The following SPN variants were observed in gnomAD, a reference collection of about 807,000 sequenced individuals.
SPN encodes leukosialin.
A neutral mutation model predicts 8.4 loss-of-function variants in SPN; 6 were observed. That is an observed-to-expected ratio of 0.72 (90% confidence interval 0.39 to 1.42). The LOEUF (loss-of-function observed/expected upper bound fraction) is 1.42. Ranked by LOEUF, SPN falls within the 40% of genes most tolerant of loss-of-function variation. The probability of loss-of-function intolerance (pLI) is 0.02; values close to 1 mark genes in which losing one functional copy is unlikely to be tolerated. For missense variants in SPN, 517 were observed against 530.6 expected, an observed-to-expected ratio of 0.97 and a Z score of 0.25; for synonymous variants, 201 against 222.6, an observed-to-expected ratio of 0.90 and a Z score of 0.86.
chr16:29,667,781 AAAAATAAAT>A lies in SPN; in HGVS notation c.*2864_*2872del, dbSNP rs1966834398. On this transcript the variant is annotated 3_prime_UTR_variant, in exon 2 of 2. Coordinates refer to ENST00000652691, the MANE Select transcript of SPN (RefSeq NM_003123.6). ...ACAAAGTGAGACTGTCTCAAAAAAT[AAAAATAAAT>A]AAAATAAATAAAAGAGAGGCACAAA... The A allele has an allele frequency of 1.3e-5, 2 of 155,242 alleles. No individual in the cohort carries two copies. Among genetic ancestry groups the A allele is most frequent in the Admixed American group, 6.5e-5 (1 of 15,268 alleles). 9.6% of individuals were successfully genotyped at this position (155,242 alleles called of 1,614,324 possible). A position where few individuals can be genotyped will look rare whatever the true frequency, so the allele number is the denominator to read the frequency against.
rs1417039464 is a variant in SPN at position 29,670,114 on chromosome 16, C to T, written c.*5183C>T. 1.9e-5 allele frequency: 3 copies of T among 162,104 alleles called. No homozygotes were observed. Among genetic ancestry groups the T allele is most frequent in the Admixed American group, 6.6e-5 (1 of 15,190 alleles). 10.0% of individuals were successfully genotyped at this position (162,104 alleles called of 1,614,324 possible). ...CAAGAGGCGAAGGCAGGGAAGATTG[C>T]TTGAGCCCAGGAGTTTGAGGCTATA... On this transcript the variant is annotated 3_prime_UTR_variant, in exon 2 of 2. Transcript: ENST00000652691.
Position 29,668,697 on chromosome 16 carries a change from C to G in SPN, c.*3766C>G, listed in dbSNP as rs554994798. The G allele has an allele frequency of 8.0e-6, 1 of 124,374 alleles. No homozygotes were observed. The highest frequency in any genetic ancestry group is 2.0e-5 in the Non-Finnish European group (1 of 50,672). The allele number at this position is 124,374 out of a possible 1,614,324, so 7.7% of individuals were successfully genotyped here. ...TCCTGGGCTCAAGTGGTCCTCCCAC[C>G]TAAGCTTCCCCAAATACTGGGATTA... On this transcript the variant is annotated 3_prime_UTR_variant, in exon 2 of 2. Coordinates refer to ENST00000652691, the MANE Select transcript of SPN (RefSeq NM_003123.6).
In SPN at chr16:29,667,246, T is replaced by C. The variant is rs3851019; in HGVS notation, c.*2315T>C. The C allele has an allele frequency of 5.1e-3, 1,735 of 342,824 alleles. 42 individuals carry two copies. Among genetic ancestry groups the C allele is most frequent in the African/African-American group, 0.035 (1,620 of 46,512 alleles). The allele number at this position is 342,824 out of a possible 1,614,324, so 21.2% of individuals were successfully genotyped here. A position where few individuals can be genotyped will look rare whatever the true frequency, so the allele number is the denominator to read the frequency against. ...TGTCCAAAATCCCTTAGAGACACTG[T>C]TGTCTTAGAGTTGTTAAAATAAGAG... On this transcript the variant is annotated 3_prime_UTR_variant, in exon 2 of 2. Coordinates refer to ENST00000652691, the MANE Select transcript of SPN (RefSeq NM_003123.6).
In SPN at chr16:29,670,413, C is replaced by T. The variant is rs62059024; in HGVS notation, c.*5482C>T. On this transcript the variant is annotated 3_prime_UTR_variant, in exon 2 of 2. Coordinates refer to ENST00000652691, the MANE Select transcript of SPN (RefSeq NM_003123.6). The stretch of plus-strand genomic sequence containing the variant: ...CTGAGGCAGAAGAATTGCTTGAAAC[C>T]GGGAGGCAGAGGTTGCAGTGAGCCG... The T allele has an allele frequency of 0.34, 54,017 of 158,506 alleles. 10,007 individuals carry two copies. Among genetic ancestry groups the T allele is most frequent in the Middle Eastern group, 0.48 (144 of 298 alleles). 9.8% of individuals were successfully genotyped at this position (158,506 alleles called of 1,614,324 possible).
In SPN at chr16:29,664,205, G is replaced by A. The variant is rs1440288497; in HGVS notation, c.477G>A (p.Glu159=). The change falls in exon 2 of 2, where the codon GAG becomes GAA. Residue 159 remains glutamate (E), a synonymous_variant. Transcript: ENST00000652691. This position sits in a 1 kb window ranked among gnomAD's most constrained non-coding sequence, Gnocchi z 6.4. ...TTACCACGGCAGCTAGCTCTCTGGA[G>A]ACCTCCAGAGGCACCTCTGGACCCC... ...APVTTAASSL[E]TSRGTSGPPL... 1.2e-6 allele frequency: 2 copies of A among 1,613,734 alleles called. No individual in the cohort carries two copies. Among genetic ancestry groups the A allele is most frequent in the African/African-American group, 1.3e-5 (1 of 74,808 alleles).
rs546998389 is a variant in SPN, at chr16:29,667,396, C to T, written c.*2465C>T. On this transcript the variant is annotated 3_prime_UTR_variant, in exon 2 of 2. Transcript: ENST00000652691. The stretch of plus-strand genomic sequence containing the variant: ...GGACTGGTTTTAGTCAGGTCCTGGG[C>T]GAATCCTGAAAAAAAGAGGTAGTAC... The T allele has an allele frequency of 1.7e-3, 325 of 191,136 alleles. 2 individuals are homozygous for T. The highest frequency in any genetic ancestry group is 6.7e-3 in the African/African-American group (285 of 42,756). The allele number at this position is 191,136 out of a possible 1,614,324, so 11.8% of individuals were successfully genotyped here. A position where few individuals can be genotyped will look rare whatever the true frequency, so the allele number is the denominator to read the frequency against.
In SPN at chr16:29,670,624, G is replaced by GA. The variant is rs1966848034; in HGVS notation, c.*5697dup. The GA allele has an allele frequency of 2.8e-6, 1 of 352,002 alleles. No homozygotes were observed. Among genetic ancestry groups the GA allele is most frequent in the Non-Finnish European group, 5.7e-6 (1 of 175,364 alleles). 21.8% of individuals were successfully genotyped at this position (352,002 alleles called of 1,614,324 possible). ...TTTTGAAAATTATGTAATGACTTTG[G>GA]AAAATACCAGCAATATAATGTTAAG... On this transcript the variant is annotated 3_prime_UTR_variant, in exon 2 of 2. Transcript: ENST00000652691.
rs747552080 is a variant in SPN, at chr16:29,663,799, T to C, written c.71T>C (p.Val24Ala). 1.6e-5 allele frequency: 26 copies of C among 1,613,678 alleles called. No individual in the cohort carries two copies. Among genetic ancestry groups the C allele is most frequent in the Non-Finnish European group, 8.5e-7 (1 of 1,179,930 alleles). The change falls in exon 2 of 2, where the codon GTG becomes GCG. Residue 24 changes from valine (V) to alanine (A), a missense_variant. Transcript: ENST00000652691. This position sits in a 1 kb window ranked among gnomAD's most constrained non-coding sequence, Gnocchi z 4.3. ...SPDALGSTTA[V>A]QTPTSGEPLV... ...GACGCTCTGGGGAGCACAACAGCAG[T>C]GCAGACACCCACCTCCGGAGAGCCT...
Position 29,664,571 on chromosome 16 carries a change from G to A in SPN, c.843G>A (p.Gln281=). 1 of 1,612,832 alleles carries A rather than the reference G, an allele frequency of 6.2e-7. No homozygotes were observed. The highest frequency in any genetic ancestry group is 1.1e-5 in the South Asian group (1 of 90,972). ...TGCTCCTGCTGTGGCGCCGGCGGCA[G>A]AAGCGGCGGACTGGGGCCCTCGTGC... ...VALLLLWRRR[Q]KRRTGALVLS... The change falls in exon 2 of 2, where the codon CAG becomes CAA. Residue 281 remains glutamine, a synonymous_variant. Coordinates refer to ENST00000652691, the MANE Select transcript of SPN (RefSeq NM_003123.6). This position sits in a 1 kb window ranked among gnomAD's most constrained non-coding sequence, Gnocchi z 6.4.
At position 29,664,905 on chromosome 16, in the gene SPN, G is replaced by A. The variant is rs373798010; in HGVS notation, c.1177G>A (p.Glu393Lys). The change falls in exon 2 of 2, where the codon GAA becomes AAA. Residue 393 changes from glutamate to lysine, a missense_variant. Physicochemically the swap from Glu to Lys is moderately conservative, Grantham distance 56. Transcript: ENST00000652691. This position sits in a 1 kb window ranked among gnomAD's most constrained non-coding sequence, Gnocchi z 6.4. ...AVDAPAPDEP[E>K]GGDGAAP ...GGACGCCCCAGCTCCTGATGAGCCC[G>A]AAGGGGGAGACGGGGCTGCCCCTTA... is the stretch of plus-strand genomic sequence containing the variant. 31 of 1,430,938 alleles carry A rather than the reference G, an allele frequency of 2.2e-5. No individual in the cohort carries two copies. The highest frequency in any genetic ancestry group is 1.9e-4 in the Middle Eastern group (1 of 5,198). The allele number at this position is 1,430,938 out of a possible 1,614,324, so 88.6% of individuals were successfully genotyped here. A position where few individuals can be genotyped will look rare whatever the true frequency, so the allele number is the denominator to read the frequency against.
rs1230243743 is a variant in SPN at position 29,663,490 on chromosome 16, G to A, written c.-35+174G>A. Reference sequence around the variant, plus strand: ...TGCTGGAATCTAAGCTGCTGAGGCTGGAGGGAGCCTCAGGATGGGGCTGAT... The same window carrying A: ...TGCTGGAATCTAAGCTGCTGAGGCTAGAGGGAGCCTCAGGATGGGGCTGAT... On this transcript the variant is annotated intron_variant, in intron 1 of 1. Coordinates refer to ENST00000652691, the MANE Select transcript of SPN (RefSeq NM_003123.6). The surrounding 1 kb of genome is among the most constrained non-coding windows in gnomAD (Gnocchi z 4.3). Among the ~76,000 whole-genome samples the A allele has an allele frequency of 5.3e-5, 8 of 152,228 alleles. No individual in the cohort carries two copies. The highest frequency in any genetic ancestry group is 1.3e-4 in the Admixed American group (2 of 15,272).
rs1555490176 is a variant in SPN, at chr16:29,666,552, ACGCG to A, written c.*1635_*1638del. On this transcript the variant is annotated 3_prime_UTR_variant, in exon 2 of 2. Transcript: ENST00000652691. ...CACACACACACACACACACACACACACGCGCGCGCGCGCGCGCTCTCCTGCGAAC... is the reference window on the plus strand; with the variant it reads ...CACACACACACACACACACACACACACGCGCGCGCGCGCTCTCCTGCGAAC... The A allele has an allele frequency of 1.1e-3, 170 of 148,930 alleles. 2 individuals carry two copies. The highest frequency in any genetic ancestry group is 3.6e-3 in the African/African-American group (120 of 33,518). 9.2% of individuals were successfully genotyped at this position (148,930 alleles called of 1,614,324 possible). A position where few individuals can be genotyped will look rare whatever the true frequency, so the allele number is the denominator to read the frequency against.
chr16:29,665,484 G>T lies in SPN; in HGVS notation c.*553G>T, dbSNP rs1181756076. 1 of 167,264 alleles carries T rather than the reference G, an allele frequency of 6.0e-6. No homozygotes were observed. The highest frequency in any genetic ancestry group is 2.4e-5 in the African/African-American group (1 of 41,422). 10.4% of individuals were successfully genotyped at this position (167,264 alleles called of 1,614,324 possible). On this transcript the variant is annotated 3_prime_UTR_variant, in exon 2 of 2. Transcript: ENST00000652691. ...GGGCTGGCACCTCTCAACGTCTGTG[G>T]ACTGAATGAATAAACCCTCCTCATC...
Position 29,664,732 on chromosome 16 carries a change from G to A in SPN, c.1004G>A (p.Gly335Glu). The stretch of plus-strand genomic sequence containing the variant: ...GGCTCTGGGTTCCCCGATGGGGAGG[G>A]GTCTAGCCGTCGGCCCACGCTCACC... ...DKGSGFPDGEGSSRRPTLTTF... is the reference protein window; with the variant it reads ...DKGSGFPDGEESSRRPTLTTF... Residue 335 changes from glycine (G) to glutamate (E), a missense_variant, in exon 2 of 2, where the codon GGG (glycine) becomes GAG (glutamate). Transcript: ENST00000652691. This position sits in a 1 kb window ranked among gnomAD's most constrained non-coding sequence, Gnocchi z 6.4. The A allele has an allele frequency of 1.4e-6, 2 of 1,480,590 alleles. No individual in the cohort carries two copies. Among genetic ancestry groups the A allele is most frequent in the Non-Finnish European group, 1.8e-6 (2 of 1,116,710 alleles). 91.7% of individuals were successfully genotyped at this position (1,480,590 alleles called of 1,614,324 possible). A position where few individuals can be genotyped will look rare whatever the true frequency, so the allele number is the denominator to read the frequency against.
At position 29,664,756 on chromosome 16, in the gene SPN, C is replaced by T; in HGVS notation, c.1028C>T (p.Thr343Ile). The T allele has an allele frequency of 6.7e-7, 1 of 1,492,282 alleles. No individual in the cohort carries two copies. The highest frequency in any genetic ancestry group is 8.9e-7 in the Non-Finnish European group (1 of 1,122,822). 92.4% of individuals were successfully genotyped at this position (1,492,282 alleles called of 1,614,324 possible). ...GGGTCTAGCCGTCGGCCCACGCTCA[C>T]CACTTTCTTTGGCAGACGGAAGTCT... ...GEGSSRRPTL[T>I]TFFGRRKSRQ... Residue 343 changes from threonine to isoleucine, a missense_variant, in exon 2 of 2, where the codon ACC becomes ATC. Coordinates refer to ENST00000652691, the MANE Select transcript of SPN (RefSeq NM_003123.6). This position sits in a 1 kb window ranked among gnomAD's most constrained non-coding sequence, Gnocchi z 6.4.
Position 29,669,512 on chromosome 16 carries a change from T to C in SPN, c.*4581T>C, listed in dbSNP as rs908000872. ...CACCGTGCCCGACAATAGATGTCTT[T>C]TAATTTTCTGGAGGAAAAAGCAAAG... On this transcript the variant is annotated 3_prime_UTR_variant, in exon 2 of 2. Transcript: ENST00000652691. 6.0e-6 allele frequency: 1 copy of C among 165,912 alleles called. No individual in the cohort carries two copies. Among genetic ancestry groups the C allele is most frequent in the Admixed American group, 6.6e-5 (1 of 15,188 alleles). The allele number at this position is 165,912 out of a possible 1,614,324, so 10.3% of individuals were successfully genotyped here.
Position 29,668,128 on chromosome 16 carries a change from G to C in SPN, c.*3197G>C, listed in dbSNP as rs2142284759. 1 of 167,214 alleles carries C rather than the reference G, an allele frequency of 6.0e-6. No homozygotes were observed. Among genetic ancestry groups the C allele is most frequent in the Admixed American group, 6.5e-5 (1 of 15,302 alleles). The allele number at this position is 167,214 out of a possible 1,614,324, so 10.4% of individuals were successfully genotyped here. On this transcript the variant is annotated 3_prime_UTR_variant, in exon 2 of 2. Coordinates refer to ENST00000652691, the MANE Select transcript of SPN (RefSeq NM_003123.6). ...AGGTTGGAAGGCTTCACCTGAGAGT[G>C]TGTCGTGGCCTTTGTCATATCCACT...
At position 29,670,779 on chromosome 16, in the gene SPN, A is replaced by G; in HGVS notation, c.*5848A>G. The G allele has an allele frequency of 2.2e-6, 1 of 456,016 alleles. No individual in the cohort carries two copies. The highest frequency in any genetic ancestry group is 4.4e-6 in the Non-Finnish European group (1 of 226,788). 28.2% of individuals were successfully genotyped at this position (456,016 alleles called of 1,614,324 possible). On this transcript the variant is annotated 3_prime_UTR_variant, in exon 2 of 2. Coordinates refer to ENST00000652691, the MANE Select transcript of SPN (RefSeq NM_003123.6). Reference sequence around the variant, plus strand: ...AAATGTTTTCCATGCTGATCTCCAAAGTGGTGAGTTTATGTGTGATTTTTA... The same window carrying G: ...AAATGTTTTCCATGCTGATCTCCAAGGTGGTGAGTTTATGTGTGATTTTTA...
Position 29,664,412 on chromosome 16 carries a change from A to G in SPN, c.684A>G (p.Leu228=). 3 of 1,614,076 alleles carry G rather than the reference A, an allele frequency of 1.9e-6. No homozygotes were observed. The highest frequency in any genetic ancestry group is 2.5e-6 in the Non-Finnish European group (3 of 1,180,002). ...ASGPQVSSVK[L]STMMSPTTST... is the part of the protein sequence containing the mutation. ...GACCCCAGGTCTCTAGCGTAAAACT[A>G]TCTACAATGATGTCTCCAACGACCT... Residue 228 remains leucine (L), a synonymous_variant, in exon 2 of 2, where the codon CTA becomes CTG. Transcript: ENST00000652691. The surrounding 1 kb of genome is among the most constrained non-coding windows in gnomAD (Gnocchi z 6.4).
Sources: gnomAD v4.1 joint callset for allele counts (sites outside exome capture counted in the v4.1 genomes callset) on GRCh38, gnomAD v4.1.1 for gene constraint, Gnocchi (gnomAD v3.1) non-coding constraint, MANE v1.5 for transcripts, NCBI Gene and HGNC (gene_info 2026-07-23, HGNC 2026-07-21) for gene names.